Variants in PDZRN3 observed in about 807,000 individuals in gnomAD.
PDZRN3 encodes PDZ domain containing ring finger 3.
In PDZRN3, 38 loss-of-function variants were observed where a neutral mutation model predicts 85.7. The observed-to-expected ratio is 0.44, with a 90% CI of 0.34 to 0.58. The LOEUF (loss-of-function observed/expected upper bound fraction) is 0.58. Ranked by LOEUF, PDZRN3 falls within the 20% of genes least tolerant of loss-of-function variation. The pLI, the probability that PDZRN3 is intolerant of heterozygous loss-of-function variation, is 0.01. For missense variants in PDZRN3, 1,629 were observed against 1,506.4 expected, an observed-to-expected ratio of 1.08 and a Z score of -1.35; for synonymous variants, 759 against 638.0, an observed-to-expected ratio of 1.19 and a Z score of -2.86.
intron 3 of PDZRN3, among the ~76,000 whole-genome samples, chr3:73,406,783 C>G (rs1032488143): frequency 5.3e-5 from 8 of 152,170 alleles, no homozygotes; most frequent in Admixed American, 4.6e-4. Flanking sequence ...TTATGACTTC[C>G]TGTTCTTCTT....
At chr3:73,482,928 G>T (rs1369761220) in intron 3 of PDZRN3, among the ~76,000 whole-genome samples, 1 of 152,184 alleles carries the variant, frequency 6.6e-6, no homozygotes, top group East Asian at 1.9e-4. Flanking sequence ...TACATATGCA[G>T]ATTTTTCCTT....
At chr3:73,403,306 C>T (rs896547705) in intron 4 of PDZRN3, among the ~76,000 whole-genome samples, 1 of 152,216 alleles carries the variant, frequency 6.6e-6, no homozygotes, top group Non-Finnish European at 1.5e-5. Flanking sequence ...CAGTCTATCA[C>T]AGAAAGTGTC....
intron 3 of PDZRN3, among the ~76,000 whole-genome samples, chr3:73,516,418 G>T (rs1704256710): frequency 6.6e-6 from 1 of 151,902 alleles, no homozygotes; most frequent in Non-Finnish European, 1.5e-5. Flanking sequence ...AACATCATTT[G>T]GTTGTGTATT....
At chr3:73,562,595 C>T (rs1701843527) in intron 3 of PDZRN3, among the ~76,000 whole-genome samples, 1 of 152,120 alleles carries the variant, frequency 6.6e-6, no homozygotes, top group African/African-American at 2.4e-5. Context: ...AGGTCAGCCC[C>T]GTTAAATGCA....
At chr3:73,495,429 A>T (rs1703848727) in intron 3 of PDZRN3, among the ~76,000 whole-genome samples, 1 of 152,168 alleles carries the variant, frequency 6.6e-6, no homozygotes, top group Non-Finnish European at 1.5e-5. Context: ...ATTTATATTG[A>T]TTCATGTATA....
At chr3:73,401,071 A>C (rs1701739222) in intron 4 of PDZRN3, 62 bp from the exon 5 acceptor site, 2 of 1,251,908 alleles carry the variant, frequency 1.6e-6, no homozygotes, top group South Asian at 1.2e-5. Flanking sequence ...TTTTTCTTAC[A>C]CCCATTGTCA....
intron 3 of PDZRN3, among the ~76,000 whole-genome samples, chr3:73,548,373 A>AGGCTGCACTTGAACGT (rs1701476857): frequency 6.6e-6 from 1 of 152,214 alleles, no homozygotes; most frequent in Non-Finnish European, 1.5e-5. Context: ...ATTTCCCCAG[A>AGGCTGCACTTGAACGT]TTCCACTAAA....
chr3:73,433,633 T>C (rs1441733945), intron 3 of PDZRN3: 12 of 1,521,856 alleles, frequency 7.9e-6, no homozygotes, highest in Non-Finnish European at 1.1e-5. Flanking sequence ...AAATGCAGGG[T>C]GTTACCTGAC....
chr3:73,505,554 G>C (rs1704055194), intron 3 of PDZRN3, among the ~76,000 whole-genome samples: 1 of 152,104 alleles, frequency 6.6e-6, no homozygotes, highest in African/African-American at 2.4e-5. Flanking sequence ...TTTTCAAATT[G>C]TCTACCTTGT....
rs148235342 is a variant in PDZRN3 at position 73,547,459 on chromosome 3, C to T, written c.918+54895G>A. Among the ~76,000 whole-genome samples the T allele has an allele frequency of 2.2e-3, 340 of 152,336 alleles. 2 individuals carry two copies. Among genetic ancestry groups the T allele is most frequent in the African/African-American group, 7.9e-3 (329 of 41,580 alleles). Reference sequence around the variant, plus strand: ...GCATAGGCAGTCCCTTGGTAAGAATCTGGCCTGGAAAGTCTTGGAGATACA... The same window carrying T: ...GCATAGGCAGTCCCTTGGTAAGAATTTGGCCTGGAAAGTCTTGGAGATACA... On this transcript the variant is annotated intron_variant, in intron 3 of 9. Transcript: ENST00000263666.
chr3:73,559,776 T>C (rs928563311), intron 3 of PDZRN3, among the ~76,000 whole-genome samples: 2 of 152,236 alleles, frequency 1.3e-5, no homozygotes, highest in Non-Finnish European at 2.9e-5. Context: ...TCTGAATGAC[T>C]GAAGTTTGGC....
intron 3 of PDZRN3, among the ~76,000 whole-genome samples, chr3:73,468,954 T>C (rs1016539421): frequency 6.6e-6 from 1 of 152,218 alleles, no homozygotes; most frequent in Non-Finnish European, 1.5e-5. Flanking sequence ...GGTTTACGCC[T>C]GACACCTAAT....
chr3:73,463,611 C>A (rs1703150603), intron 3 of PDZRN3, among the ~76,000 whole-genome samples: 1 of 152,174 alleles, frequency 6.6e-6, no homozygotes, highest in Non-Finnish European at 1.5e-5. Flanking sequence ...TTGTGGAAGA[C>A]AGTGTGGTGA....
intron 2 of PDZRN3, among the ~76,000 whole-genome samples, chr3:73,607,949 G>A (rs151253680): frequency 1.3e-5 from 2 of 152,172 alleles, no homozygotes; most frequent in East Asian, 3.9e-4. Context: ...AAGGGTAAAG[G>A]ATGGGACATA....
At chr3:73,608,501 A>T (rs985714710) in intron 2 of PDZRN3, 97 bp downstream of exon 2, 2 of 781,754 alleles carry the variant, frequency 2.6e-6, no homozygotes, top group African/African-American at 1.7e-5. Flanking sequence ...GAATGAAGTG[A>T]GCAAAGTTTC....
chr3:73,417,411 T>C (rs971202014), intron 3 of PDZRN3, among the ~76,000 whole-genome samples: 3 of 152,348 alleles, frequency 2.0e-5, no homozygotes, highest in Non-Finnish European at 1.5e-5. Context: ...GTTATGACAA[T>C]TGAACTATTC....
At chr3:73,429,886 A>C (rs1233924967) in intron 3 of PDZRN3, among the ~76,000 whole-genome samples, 4 of 152,180 alleles carry the variant, frequency 2.6e-5, no homozygotes, top group African/African-American at 7.2e-5. Flanking sequence ...CCAGGTATGA[A>C]GGACCAGCAA....
intron 3 of PDZRN3, among the ~76,000 whole-genome samples, chr3:73,481,196 G>A (rs762399938): frequency 9.2e-5 from 14 of 152,172 alleles, no homozygotes; most frequent in South Asian, 8.3e-4. Context: ...GACTATGTGC[G>A]GTCATTAGGC....
chr3:73,408,107 T>A lies in PDZRN3; in HGVS notation c.919-3712A>T, dbSNP rs761678476. The A allele has an allele frequency of 4.3e-6, 3 of 701,836 alleles. No homozygotes were observed. In the South Asian group the frequency reaches 4.5e-5, roughly 10 times the overall value. 43.5% of individuals were successfully genotyped at this position (701,836 alleles called of 1,614,324 possible). ...CATGCAGTTTTCAATCAAATACAGT[T>A]CAAATAAGCCCCTCCACAAGCCAGA... On this transcript the variant is annotated intron_variant, in intron 3 of 9. Transcript: ENST00000263666.
Sources: allele counts gnomAD v4.1 joint callset (sites outside exome capture counted in the v4.1 genomes callset), GRCh38; gene constraint gnomAD v4.1.1; transcripts MANE v1.5; gene names NCBI Gene and HGNC (gene_info 2026-07-23, HGNC 2026-07-21).